ARMC3: variants seen among roughly 807,000 people sequenced by gnomAD.
The protein encoded by ARMC3 is armadillo repeat-containing protein 3.
ARMC3 carries 74 observed loss-of-function variants against 90.3 expected under a neutral mutation model. That is an observed-to-expected ratio of 0.82 (90% CI 0.68 to 0.99). ARMC3 has a LOEUF of 0.99. Among genes scored for constraint, ARMC3 ranks in the 50% least tolerant of loss-of-function variants. The pLI is 0.00. For synonymous variants in ARMC3, 334 were observed against 361.8 expected (o/e 0.92, Z 0.87); for missense variants, 958 against 1,042.8 (o/e 0.92, Z 1.12).
intron 4 of ARMC3, among the ~76,000 whole-genome samples, chr10:22,956,150 C>T (rs1018076402): frequency 1.3e-5 from 2 of 152,062 alleles, no homozygotes; most frequent in Non-Finnish European, 2.9e-5. Flanking sequence ...TGCAAAAACT[C>T]CTCTCAGAAT....
intron 6 of ARMC3, 137 bp from the exon 7 acceptor site, chr10:22,961,747 A>T: frequency 1.5e-6 from 1 of 662,588 alleles, no homozygotes; most frequent in Non-Finnish European, 2.5e-6. Context: ...TTATTTTTTG[A>T]GTTATTTTGG....
intron 2 of ARMC3, among the ~76,000 whole-genome samples, chr10:22,940,140 A>G (rs1404611030): frequency 6.6e-6 from 1 of 152,244 alleles, no homozygotes; most frequent in African/African-American, 2.4e-5. Context: ...GTTAATACCA[A>G]ATGAAATACA....
At position 22,955,617 on chromosome 10, in the gene ARMC3, T is replaced by C. The variant is rs764310087; in HGVS notation, c.167-190T>C. 7.2e-4 allele frequency among the ~76,000 whole-genome samples: 109 copies of C among 152,204 alleles called. 1 individual carries two copies. The highest frequency in any genetic ancestry group is 1.4e-3 in the Non-Finnish European group (95 of 67,992). On this transcript the variant is annotated intron_variant, in intron 3 of 18. Transcript: ENST00000298032. Reference sequence around the variant, plus strand: ...TGAAGACAAGATGAAGCCAGCTTTGTAAACAGGGGAAGGGAGAGGAGGAAA... The same window carrying C: ...TGAAGACAAGATGAAGCCAGCTTTGCAAACAGGGGAAGGGAGAGGAGGAAA...
chr10:23,010,863 G>T (rs145270082), intron 16 of ARMC3, among the ~76,000 whole-genome samples: 726 of 61,232 alleles, frequency 0.012, 14 homozygotes, highest in African/African-American at 0.044. Context: ...TCCTTCCCTT[G>T]CCTCTCCTCT....
At chr10:22,961,438 T>A (rs898436085) in intron 6 of ARMC3, 2 of 157,264 alleles carry the variant, frequency 1.3e-5, no homozygotes, top group African/African-American at 4.8e-5. Context: ...CGCTGTAAAT[T>A]TGCATGCAGA....
chr10:23,038,388 G>A lies in ARMC3; in HGVS notation c.*909G>A, dbSNP rs991514031. ...CTAGTCACGCTTAAAGTCCAGTGTT[G>A]ACCTGTATAGTCATTTTCCTAGAAG... is the stretch of plus-strand genomic sequence containing the variant. On this transcript the variant is annotated 3_prime_UTR_variant, in exon 19 of 19. Transcript: ENST00000298032. 1.3e-5 allele frequency: 2 copies of A among 152,036 alleles called. No individual in the cohort carries two copies. The highest frequency in any genetic ancestry group is 6.6e-5 in the Admixed American group (1 of 15,254). The allele number at this position is 152,036 out of a possible 1,614,324, so 9.4% of individuals were successfully genotyped here.
rs549662088 is a variant in ARMC3, at chr10:23,020,797, T to G, written c.2046-9799T>G. On this transcript the variant is annotated intron_variant, in intron 16 of 18. Transcript: ENST00000298032. ...ATTTTTTAAATTGGGCTTTTGTTTT[T>G]GCTTTTTCTCAACTTTAATTTTAGG... Among the ~76,000 whole-genome samples, 92 of 152,330 alleles carry G rather than the reference T, an allele frequency of 6.0e-4. 2 individuals carry two copies. The highest frequency in any genetic ancestry group is 3.4e-3 in the Middle Eastern group (1 of 294).
chr10:23,018,763 G>T (rs1479076319), intron 16 of ARMC3, among the ~76,000 whole-genome samples: 1 of 152,028 alleles, frequency 6.6e-6, no homozygotes, highest in Non-Finnish European at 1.5e-5. Context: ...TGATCCACCC[G>T]CCTTGGCCTC....
In ARMC3 at chr10:22,966,702, G is replaced by A. The variant is rs145968908; in HGVS notation, c.733-1604G>A. Among the ~76,000 whole-genome samples the A allele has an allele frequency of 2.3e-3, 352 of 152,264 alleles. 2 individuals are homozygous for A. Among genetic ancestry groups the A allele is most frequent in the African/African-American group, 8.2e-3 (341 of 41,538 alleles). Reference sequence around the variant, plus strand: ...ACTCACAGATCCTAGTGGATGAGGAGGCCTCAGGAAACTTACAATCATAGC... The same window carrying A: ...ACTCACAGATCCTAGTGGATGAGGAAGCCTCAGGAAACTTACAATCATAGC... On this transcript the variant is annotated intron_variant, in intron 7 of 18. Transcript: ENST00000298032.
chr10:22,987,047 T>A (rs1222808192), intron 10 of ARMC3, among the ~76,000 whole-genome samples: 4 of 152,118 alleles, frequency 2.6e-5, no homozygotes, highest in African/African-American at 9.7e-5. Flanking sequence ...CAAGAAGCAA[T>A]AATGAATTTT....
chr10:22,934,821 G>A (rs1270465049), intron 2 of ARMC3, among the ~76,000 whole-genome samples: 2 of 152,168 alleles, frequency 1.3e-5, no homozygotes, highest in Non-Finnish European at 2.9e-5. Flanking sequence ...TATTATTAAT[G>A]ATATAGTTGA....
chr10:22,958,180 A>G (rs1397543001), intron 4 of ARMC3, among the ~76,000 whole-genome samples: 1 of 152,236 alleles, frequency 6.6e-6, no homozygotes. Flanking sequence ...GGTGGTTAGT[A>G]GTGGAACTGA....
rs920903758 is a variant in ARMC3, at chr10:23,014,417, C to A, written c.2045+5486C>A. On this transcript the variant is annotated intron_variant, in intron 16 of 18. Coordinates refer to ENST00000298032, the MANE Select transcript of ARMC3 (RefSeq NM_173081.5). Reference sequence around the variant, plus strand: ...GTTGCCTGTCTTTTGGTCAACCCTTCTTGTCTTATGACTATTAAAACTTTG... The same window carrying A: ...GTTGCCTGTCTTTTGGTCAACCCTTATTGTCTTATGACTATTAAAACTTTG... 2.6e-6 allele frequency: 3 copies of A among 1,153,578 alleles called. No individual in the cohort carries two copies. In the African/African-American group the frequency reaches 4.7e-5, roughly 18 times the overall value. The allele number at this position is 1,153,578 out of a possible 1,614,324, so 71.5% of individuals were successfully genotyped here.
At chr10:22,986,273 G>A (rs564197375) in intron 10 of ARMC3, among the ~76,000 whole-genome samples, 188 of 151,962 alleles carry the variant, frequency 1.2e-3, no homozygotes, top group African/African-American at 4.1e-3. Flanking sequence ...AAAAATGGCC[G>A]GGCAAAGGTG....
Position 23,008,567 on chromosome 10 carries a change from A to G in ARMC3, c.1928+193A>G, listed in dbSNP as rs191776244. On this transcript the variant is annotated intron_variant, in intron 15 of 18. Coordinates refer to ENST00000298032, the MANE Select transcript of ARMC3 (RefSeq NM_173081.5). ...GCCAGGAAATCTGGTTTCACCTTCT[A>G]TTTCGCCCTGTGGACCTGCAGTGAT... Among the ~76,000 whole-genome samples the G allele has an allele frequency of 7.2e-5, 11 of 152,256 alleles. No individual in the cohort carries two copies. The East Asian group carries it at 7.7e-4, about 11-fold the overall frequency.
intron 3 of ARMC3, among the ~76,000 whole-genome samples, chr10:22,954,684 AAAAAGAAAAAAG>A (rs1472782534): frequency 1.3e-5 from 2 of 151,768 alleles, no homozygotes; most frequent in Admixed American, 6.6e-5. Flanking sequence ...GAAAAAAAAA[AAAAAGAAAAAAG>A]AAAAGAAAAA....
chr10:23,013,324 T>C (rs898199004), intron 16 of ARMC3, among the ~76,000 whole-genome samples: 1 of 152,224 alleles, frequency 6.6e-6, no homozygotes, highest in Non-Finnish European at 1.5e-5. Flanking sequence ...GCTTGTTTTG[T>C]GGCAAGTTCC....
At chr10:23,035,440 A>C (rs1839093253) in intron 18 of ARMC3, among the ~76,000 whole-genome samples, 1 of 152,168 alleles carries the variant, frequency 6.6e-6, no homozygotes, top group Non-Finnish European at 1.5e-5. Flanking sequence ...GAGTCATGCA[A>C]TTAATTACCC....
rs1838152644 is a variant in ARMC3, at chr10:23,013,966, T to C, written c.2045+5035T>C. On this transcript the variant is annotated intron_variant, in intron 16 of 18. Coordinates refer to ENST00000298032, the MANE Select transcript of ARMC3 (RefSeq NM_173081.5). ...ATTAAAAATTACTTTAATTATTGAA[T>C]GCTGTTTGTTGAAAGGAACAGATGT... 4 of 896,308 alleles carry C rather than the reference T, an allele frequency of 4.5e-6. No individual in the cohort carries two copies. In the South Asian group the frequency reaches 8.2e-5, roughly 18 times the overall value. 55.5% of individuals were successfully genotyped at this position (896,308 alleles called of 1,614,324 possible). A position where few individuals can be genotyped will look rare whatever the true frequency, so the allele number is the denominator to read the frequency against.
Sources: allele counts gnomAD v4.1 joint callset (sites outside exome capture counted in the v4.1 genomes callset), GRCh38; gene constraint gnomAD v4.1.1; transcripts MANE v1.5; gene names NCBI Gene and HGNC (gene_info 2026-07-23, HGNC 2026-07-21).